Variants in CACNB2 observed in about 807,000 individuals in gnomAD.
CACNB2 encodes calcium voltage-gated channel auxiliary subunit beta 2, also known as voltage-dependent L-type calcium channel subunit beta-2.
A neutral mutation model predicts 73.3 loss-of-function variants in CACNB2; 42 were observed. The ratio of observed to expected loss-of-function variants is 0.57; its 90% CI spans 0.45 to 0.74. CACNB2 has a LOEUF of 0.74. Ranked by LOEUF, CACNB2 falls within the 30% of genes least tolerant of loss-of-function variation. The probability of loss-of-function intolerance (pLI) is 0.00; values close to 1 mark genes in which losing one functional copy is unlikely to be tolerated. For missense variants in CACNB2, 940 were observed against 853.0 expected (o/e 1.10, Z -1.27); for synonymous variants, 348 against 310.3 (o/e 1.12, Z -1.28).
intron 2 of CACNB2, among the ~76,000 whole-genome samples, chr10:18,356,938 A>ATGTCTT (rs1436280481): frequency 0.062 from 5,828 of 94,082 alleles, 961 homozygotes; most frequent in African/African-American, 0.16. Context: ...CCCAGACTCA[A>ATGTCTT]TTTCTTTTTT....
chr10:18,361,061 C>G (rs1016549110), intron 2 of CACNB2, among the ~76,000 whole-genome samples: 7 of 152,096 alleles, frequency 4.6e-5, no homozygotes, highest in Non-Finnish European at 1.0e-4. Flanking sequence ...TCATTCTTCT[C>G]TGACTTTTCC....
intron 2 of CACNB2, among the ~76,000 whole-genome samples, chr10:18,163,890 C>T (rs964793338): frequency 1.3e-5 from 2 of 151,976 alleles, no homozygotes; most frequent in African/African-American, 4.8e-5. Context: ...TACTGTGGCA[C>T]GTGGAGAAGC....
chr10:18,490,209 A>G (rs1311685712), intron 3 of CACNB2, among the ~76,000 whole-genome samples: 1 of 152,174 alleles, frequency 6.6e-6, no homozygotes, highest in African/African-American at 2.4e-5. Flanking sequence ...AGATAAAGAG[A>G]TGCCACTCTT....
At chr10:18,384,016 G>A (rs954403377) in intron 2 of CACNB2, among the ~76,000 whole-genome samples, 4 of 152,140 alleles carry the variant, frequency 2.6e-5, no homozygotes, top group African/African-American at 9.7e-5. Flanking sequence ...ATAGAATGCT[G>A]TTTAAAATGC....
chr10:18,355,197 C>T (rs2041858765), intron 2 of CACNB2, among the ~76,000 whole-genome samples: 1 of 121,222 alleles, frequency 8.2e-6, no homozygotes, highest in African/African-American at 3.2e-5. Flanking sequence ...GGATACTCTG[C>T]ATGTACACTC....
intron 9 of CACNB2, among the ~76,000 whole-genome samples, chr10:18,526,033 C>T (rs1266526273): frequency 6.6e-6 from 1 of 152,168 alleles, no homozygotes; most frequent in Non-Finnish European, 1.5e-5. Context: ...AGATGCCTGA[C>T]AAACTGTCCT....
intron 2 of CACNB2, among the ~76,000 whole-genome samples, chr10:18,294,622 A>G (rs2039201775): frequency 6.6e-6 from 1 of 152,220 alleles, no homozygotes. Context: ...GGTTGGTTAA[A>G]CCTATTTGAG....
At chr10:18,535,578 C>G (rs955662183) in intron 11 of CACNB2, among the ~76,000 whole-genome samples, 1 of 152,000 alleles carries the variant, frequency 6.6e-6, no homozygotes, top group Non-Finnish European at 1.5e-5. Flanking sequence ...CGAGACCATC[C>G]TGGCTAACAC....
chr10:18,363,464 G>A (rs2042223641), intron 2 of CACNB2, among the ~76,000 whole-genome samples: 1 of 152,170 alleles, frequency 6.6e-6, no homozygotes, highest in Non-Finnish European at 1.5e-5. Context: ...GATCCTCAGT[G>A]CCATATGGTA....
intron 3 of CACNB2, among the ~76,000 whole-genome samples, chr10:18,446,863 G>C (rs2046759092): frequency 6.6e-6 from 1 of 152,072 alleles, no homozygotes; most frequent in African/African-American, 2.4e-5. Context: ...CCAGAAGTTT[G>C]AGACCATTTT....
chr10:18,193,309 C>G (rs2034488954), intron 2 of CACNB2, among the ~76,000 whole-genome samples: 1 of 148,848 alleles, frequency 6.7e-6, no homozygotes, highest in South Asian at 2.1e-4. Context: ...TATACATTTT[C>G]CCCAGCAATA....
At chr10:18,223,467 A>AATTATTG (rs1384805860) in intron 2 of CACNB2, among the ~76,000 whole-genome samples, 2 of 152,188 alleles carry the variant, frequency 1.3e-5, no homozygotes, top group Non-Finnish European at 1.5e-5. Flanking sequence ...TTCCATGAAT[A>AATTATTG]ATTATTGATT....
At chr10:18,375,308 A>G (rs1225072770) in intron 2 of CACNB2, among the ~76,000 whole-genome samples, 1 of 152,202 alleles carries the variant, frequency 6.6e-6, no homozygotes, top group African/African-American at 2.4e-5. Flanking sequence ...CACCAATGCC[A>G]TAGGGAAAAA....
chr10:18,334,482 A>G (rs2040925234), intron 2 of CACNB2, among the ~76,000 whole-genome samples: 1 of 152,184 alleles, frequency 6.6e-6, no homozygotes, highest in Non-Finnish European at 1.5e-5. Context: ...TGAATTTCAC[A>G]TTCTGGGATC....
chr10:18,537,912 T>C (rs577500901), intron 12 of CACNB2, among the ~76,000 whole-genome samples: 9 of 152,362 alleles, frequency 5.9e-5, no homozygotes, highest in Admixed American at 4.6e-4. Context: ...TGCTGATTGA[T>C]AGACAACTTT....
intron 3 of CACNB2, among the ~76,000 whole-genome samples, chr10:18,455,655 A>G (rs1417472476): frequency 6.6e-6 from 1 of 152,196 alleles, no homozygotes; most frequent in Non-Finnish European, 1.5e-5. Flanking sequence ...TCACTTGCTT[A>G]TCTTTCAGGA....
intron 3 of CACNB2, among the ~76,000 whole-genome samples, chr10:18,413,825 G>A (rs762791789): frequency 2.0e-5 from 3 of 152,136 alleles, no homozygotes; most frequent in African/African-American, 4.8e-5. Flanking sequence ...AAGCTGTTAC[G>A]TATAAAGCAC....
At chr10:18,467,267 T>C (rs2047943978) in intron 3 of CACNB2, among the ~76,000 whole-genome samples, 1 of 152,226 alleles carries the variant, frequency 6.6e-6, no homozygotes, top group Admixed American at 6.5e-5. Context: ...CACTTTGCAT[T>C]CTCCTTTTGC....
chr10:18,153,493 A>C (rs2031773561), intron 2 of CACNB2, among the ~76,000 whole-genome samples: 1 of 152,056 alleles, frequency 6.6e-6, no homozygotes, highest in South Asian at 2.1e-4. Context: ...CAGATATTTA[A>C]TAGAAATGGT....
Sources: gnomAD v4.1 joint callset for allele counts (sites outside exome capture counted in the v4.1 genomes callset) on GRCh38, gnomAD v4.1.1 for gene constraint, MANE v1.5 for transcripts, NCBI Gene and HGNC (gene_info 2026-07-23, HGNC 2026-07-21) for gene names.